PRKCE: variants seen among roughly 807,000 people sequenced by gnomAD.
PRKCE encodes the protein protein kinase C epsilon type.
PRKCE carries 16 observed loss-of-function variants against 85.4 expected under a neutral mutation model. That is an observed-to-expected ratio of 0.19 (90% CI 0.13 to 0.28). PRKCE has a LOEUF of 0.28. Ranked by LOEUF, PRKCE falls within the 10% of genes least tolerant of loss-of-function variation. The pLI is 1.00. For missense variants in PRKCE, 573 were observed against 975.2 expected (o/e 0.59, Z 5.49); for synonymous variants, 388 against 371.5 (o/e 1.04, Z -0.51).
chr2:46,089,505 A>G (rs1278870059), intron 11 of PRKCE, among the ~76,000 whole-genome samples: 1 of 152,158 alleles, frequency 6.6e-6, no homozygotes, highest in Non-Finnish European at 1.5e-5. Flanking sequence ...TCTAAAACAC[A>G]GACTGGTTGT....
At chr2:45,931,059 G>T (rs931075073) in intron 2 of PRKCE, among the ~76,000 whole-genome samples, 1 of 152,140 alleles carries the variant, frequency 6.6e-6, no homozygotes, top group Non-Finnish European at 1.5e-5. Context: ...CCCATTTTCA[G>T]GTTGCAAAGC....
intron 2 of PRKCE, among the ~76,000 whole-genome samples, chr2:45,961,187 G>C (rs1395842624): frequency 6.6e-6 from 1 of 152,128 alleles, no homozygotes; most frequent in African/African-American, 2.4e-5. Flanking sequence ...TCTCTCCATA[G>C]GCAGGAGTGT....
At chr2:45,933,196 G>A (rs190067993) in intron 2 of PRKCE, among the ~76,000 whole-genome samples, 11 of 152,280 alleles carry the variant, frequency 7.2e-5, no homozygotes, top group Non-Finnish European at 1.5e-4. Flanking sequence ...ATGATTTTTA[G>A]AAGGTCTTCA....
intron 1 of PRKCE, among the ~76,000 whole-genome samples, chr2:45,763,021 G>A (rs1429094174): frequency 4.0e-5 from 6 of 151,118 alleles, no homozygotes; most frequent in African/African-American, 9.8e-5. Context: ...GCGCGATCTC[G>A]GCTCACTGCA....
intron 10 of PRKCE, among the ~76,000 whole-genome samples, chr2:46,080,290 G>A (rs577445706): frequency 6.6e-6 from 1 of 152,058 alleles, no homozygotes; most frequent in South Asian, 2.1e-4. Flanking sequence ...GTAGAGTGAG[G>A]GGAAATGAAA....
chr2:45,844,257 C>T (rs1308492382), intron 2 of PRKCE, among the ~76,000 whole-genome samples: 2 of 152,136 alleles, frequency 1.3e-5, no homozygotes, highest in African/African-American at 4.8e-5. Context: ...TTTAATAGAT[C>T]CCAATTATTT....
At chr2:45,867,009 G>A (rs1240975232) in intron 2 of PRKCE, among the ~76,000 whole-genome samples, 2 of 152,188 alleles carry the variant, frequency 1.3e-5, no homozygotes, top group Non-Finnish European at 2.9e-5. Flanking sequence ...TCCCACTCCA[G>A]ACCAGCTAAA....
intron 10 of PRKCE, among the ~76,000 whole-genome samples, chr2:46,031,871 A>C (rs952427909): frequency 5.9e-5 from 9 of 152,178 alleles, no homozygotes; most frequent in African/African-American, 2.2e-4. Context: ...ACTGGTCGCA[A>C]TTTGCATGGG....
chr2:46,166,045 C>A (rs569284926), intron 14 of PRKCE, among the ~76,000 whole-genome samples: 4 of 152,238 alleles, frequency 2.6e-5, no homozygotes, highest in Non-Finnish European at 4.4e-5. Flanking sequence ...CCCCTCTCAA[C>A]CTCATGATCC....
intron 2 of PRKCE, among the ~76,000 whole-genome samples, chr2:45,972,098 G>A (rs907018438): frequency 1.3e-5 from 2 of 152,110 alleles, no homozygotes; most frequent in Non-Finnish European, 2.9e-5. Flanking sequence ...ACAAGCGTTC[G>A]CTCTTCTCCA....
At chr2:46,002,849 C>G (rs748785790) in intron 7 of PRKCE, among the ~76,000 whole-genome samples, 2 of 152,188 alleles carry the variant, frequency 1.3e-5, no homozygotes, top group Non-Finnish European at 2.9e-5. Flanking sequence ...AGAGAGAACC[C>G]TTTTCAGGAG....
chr2:46,177,282 A>G (rs1679517546), intron 14 of PRKCE, among the ~76,000 whole-genome samples: 1 of 152,242 alleles, frequency 6.6e-6, no homozygotes, highest in South Asian at 2.1e-4. Flanking sequence ...ATTTTTTTAA[A>G]TCAATTTCAG....
intron 1 of PRKCE, among the ~76,000 whole-genome samples, chr2:45,670,151 C>G (rs1341469240): frequency 8.5e-5 from 13 of 152,126 alleles, no homozygotes. Context: ...ATGGACACCC[C>G]CACCCAGTAA....
intron 2 of PRKCE, among the ~76,000 whole-genome samples, chr2:45,934,983 C>T (rs981477915): frequency 2.6e-5 from 4 of 151,236 alleles, no homozygotes; most frequent in South Asian, 2.1e-4. Context: ...ATTGCTTGAT[C>T]GTGGGAGGTT....
At chr2:46,056,778 C>G (rs1666620285) in intron 10 of PRKCE, among the ~76,000 whole-genome samples, 1 of 152,136 alleles carries the variant, frequency 6.6e-6, no homozygotes, top group Admixed American at 6.6e-5. Flanking sequence ...TTAAAGAGAG[C>G]CTTCAAACTT....
intron 1 of PRKCE, among the ~76,000 whole-genome samples, chr2:45,683,407 G>A (rs1351136771): frequency 2.0e-5 from 3 of 152,224 alleles, no homozygotes; most frequent in Non-Finnish European, 2.9e-5. Flanking sequence ...CTATTTTCAG[G>A]CCCAGTCTCC....
At chr2:45,903,887 T>TTTTG (rs561839364) in intron 2 of PRKCE, among the ~76,000 whole-genome samples, 15,946 of 102,596 alleles carry the variant, frequency 0.16, 1,680 homozygotes, top group African/African-American at 0.32. Context: ...GGCAGTTTTT[T>TTTTG]TTTGTTTGTT....
In PRKCE at chr2:45,987,173, G is replaced by A. The variant is rs116629913; in HGVS notation, c.823+2493G>A. Among the ~76,000 whole-genome samples the A allele has an allele frequency of 2.9e-3, 440 of 152,258 alleles. 1 individual carries two copies. Among genetic ancestry groups the A allele is most frequent in the Middle Eastern group, 0.01 (3 of 294 alleles). On this transcript the variant is annotated intron_variant, in intron 6 of 14. Coordinates refer to ENST00000306156, the MANE Select transcript of PRKCE (RefSeq NM_005400.3). ...AGGGCTGTGGGTCCCCAATGACCCT[G>A]GAAGAAGGAGGGGCAGGGACAGTGT...
chr2:45,668,079 G>A (rs766786120), intron 1 of PRKCE, among the ~76,000 whole-genome samples: 3 of 152,216 alleles, frequency 2.0e-5, no homozygotes, highest in Non-Finnish European at 2.9e-5. Flanking sequence ...GGTGGCTTAT[G>A]TCTGGAATCC....
Sources: gnomAD v4.1 joint callset for allele counts (sites outside exome capture counted in the v4.1 genomes callset) on GRCh38, gnomAD v4.1.1 for gene constraint, MANE v1.5 for transcripts, NCBI Gene and HGNC (gene_info 2026-07-23, HGNC 2026-07-21) for gene names.